CDH18: variants seen among roughly 807,000 people sequenced by gnomAD.
CDH18 encodes cadherin 18.
A neutral mutation model predicts 67.9 loss-of-function variants in CDH18; 31 were observed. The ratio of observed to expected loss-of-function variants is 0.46; its 90% CI spans 0.34 to 0.62. The LOEUF (loss-of-function observed/expected upper bound fraction) is 0.62. Ranked by LOEUF, CDH18 falls within the 20% of genes least tolerant of loss-of-function variation. CDH18 has a pLI of 0.01. For synonymous variants in CDH18, 362 were observed against 347.2 expected (o/e 1.04, Z -0.48); for missense variants, 890 against 975.5 (o/e 0.91, Z 1.17).
At chr5:19,602,662 C>T (rs907897285) in intron 6 of CDH18, among the ~76,000 whole-genome samples, 1 of 151,928 alleles carries the variant, frequency 6.6e-6, no homozygotes, top group Non-Finnish European at 1.5e-5. Flanking sequence ...AGTATGGAGG[C>T]CTCTAAAAAA....
intron 1 of CDH18, among the ~76,000 whole-genome samples, chr5:20,364,556 G>T (rs946067368): frequency 6.6e-6 from 1 of 152,032 alleles, no homozygotes; most frequent in Non-Finnish European, 1.5e-5. Context: ...TAAATTAAAT[G>T]CCTGAATTCA....
At chr5:19,734,636 A>T (rs1380527471) in intron 4 of CDH18, among the ~76,000 whole-genome samples, 3 of 152,152 alleles carry the variant, frequency 2.0e-5, no homozygotes, top group African/African-American at 7.2e-5. Flanking sequence ...ATTTACAAGG[A>T]CTTTCTTGGA....
At chr5:20,054,344 C>T (rs1270503441) in intron 2 of CDH18, among the ~76,000 whole-genome samples, 3 of 152,130 alleles carry the variant, frequency 2.0e-5, no homozygotes, top group Non-Finnish European at 4.4e-5. Context: ...GAATGACATT[C>T]ATGTGCCATT....
At chr5:19,606,547 A>G (rs1748075661) in intron 6 of CDH18, among the ~76,000 whole-genome samples, 1 of 152,038 alleles carries the variant, frequency 6.6e-6, no homozygotes, top group Non-Finnish European at 1.5e-5. Context: ...TATATTTAAT[A>G]GATGGGTTTA....
At chr5:20,218,377 T>G (rs1286696199) in intron 2 of CDH18, among the ~76,000 whole-genome samples, 1 of 151,978 alleles carries the variant, frequency 6.6e-6, no homozygotes, top group East Asian at 1.9e-4. Flanking sequence ...TTGGAAACTA[T>G]GCAAATACAT....
intron 2 of CDH18, among the ~76,000 whole-genome samples, chr5:20,010,862 C>A (rs539196920): frequency 6.6e-6 from 1 of 152,244 alleles, no homozygotes; most frequent in African/African-American, 2.4e-5. Context: ...CTAAGACTCT[C>A]ACGTGTATAC....
In CDH18 at chr5:20,571,184, C is replaced by CCATTAAATA. The variant is rs1758799935; in HGVS notation, c.-580+4277_-580+4278insTATTTAATG. Among the ~76,000 whole-genome samples, 3 of 152,252 alleles carry CCATTAAATA rather than the reference C, an allele frequency of 2.0e-5. No homozygotes were observed. In the South Asian group the frequency reaches 6.2e-4, roughly 32 times the overall value. On this transcript the variant is annotated intron_variant, in intron 1 of 14. Coordinates refer to the CDH18 transcript ENST00000507958. Reference sequence around the variant, plus strand: ...ATATTACATGACAGTGACACCTCTACGTCTTTACCATTAAATAGAAAACAT... The same window carrying CCATTAAATA: ...ATATTACATGACAGTGACACCTCTACCATTAAATAGTCTTTACCATTAAATAGAAAACAT...
At chr5:20,253,645 G>A (rs984958481) in intron 2 of CDH18, among the ~76,000 whole-genome samples, 8 of 152,132 alleles carry the variant, frequency 5.3e-5, no homozygotes, top group Non-Finnish European at 1.2e-4. Context: ...ACCAAGGAAA[G>A]ACTCTCAGAG....
At chr5:20,215,157 G>A (rs145416410) in intron 2 of CDH18, among the ~76,000 whole-genome samples, 11 of 151,922 alleles carry the variant, frequency 7.2e-5, no homozygotes, top group Non-Finnish European at 1.2e-4. Context: ...ATACCAGTCA[G>A]AATGGCTATT....
chr5:19,616,553 T>C (rs1749870376), intron 5 of CDH18, among the ~76,000 whole-genome samples: 1 of 152,194 alleles, frequency 6.6e-6, no homozygotes, highest in Non-Finnish European at 1.5e-5. Flanking sequence ...TTCTAACTTT[T>C]AGAATATTGT....
chr5:19,592,869 T>G (rs558827282), intron 6 of CDH18, among the ~76,000 whole-genome samples: 14 of 152,154 alleles, frequency 9.2e-5, no homozygotes, highest in Admixed American at 4.6e-4. Context: ...ATTCTTTGAT[T>G]GTATGAATTT....
chr5:19,892,241 G>A (rs1788850888), intron 2 of CDH18, among the ~76,000 whole-genome samples: 1 of 143,520 alleles, frequency 7.0e-6, no homozygotes, highest in Non-Finnish European at 1.5e-5. Context: ...GGTTAATAAA[G>A]GACAAGTATA....
At position 20,179,832 on chromosome 5, in the gene CDH18, C is replaced by A. The variant is rs137984390; in HGVS notation, c.-518+75612G>T. On this transcript the variant is annotated intron_variant, in intron 2 of 14. Transcript: ENST00000507958. ...AAAGGTGAAGACAGACAGGCAGGGT[C>A]TCCATTTCTCTTTGATTGAGCACCA... Among the ~76,000 whole-genome samples, 870 of 152,174 alleles carry A rather than the reference C, an allele frequency of 5.7e-3. 12 individuals carry two copies. The highest frequency in any genetic ancestry group is 0.02 in the African/African-American group (812 of 41,548).
intron 4 of CDH18, among the ~76,000 whole-genome samples, chr5:19,723,161 TG>T (rs1205072454): frequency 6.6e-6 from 1 of 151,946 alleles, no homozygotes; most frequent in African/African-American, 2.4e-5. Flanking sequence ...CCCAGCTACT[TG>T]GGAGGCTGAG....
At chr5:19,821,219 A>T (rs1386749036) in intron 3 of CDH18, among the ~76,000 whole-genome samples, 1 of 152,120 alleles carries the variant, frequency 6.6e-6, no homozygotes, top group Non-Finnish European at 1.5e-5. Flanking sequence ...ATGATCCTAG[A>T]GTGCAACAAT....
At chr5:20,067,272 T>C (rs73762488) in intron 2 of CDH18, among the ~76,000 whole-genome samples, 4,326 of 151,582 alleles carry the variant, frequency 0.029, 112 homozygotes, top group African/African-American at 0.062. Context: ...GACCAGTTTT[T>C]TAGTTCATTA....
intron 2 of CDH18, among the ~76,000 whole-genome samples, chr5:19,919,821 G>A (rs1234974435): frequency 6.6e-6 from 1 of 152,084 alleles, no homozygotes; most frequent in Non-Finnish European, 1.5e-5. Context: ...ATATAGTGTG[G>A]ACATACAGTT....
At chr5:20,307,911 T>G (rs188017537) in intron 1 of CDH18, among the ~76,000 whole-genome samples, 1 of 152,254 alleles carries the variant, frequency 6.6e-6, no homozygotes, top group Admixed American at 6.5e-5. Context: ...CTTAAACATT[T>G]ATATTTTCAC....
chr5:19,626,416 T>C (rs553033179), intron 5 of CDH18, among the ~76,000 whole-genome samples: 1 of 152,288 alleles, frequency 6.6e-6, no homozygotes, highest in South Asian at 2.1e-4. Flanking sequence ...GTGGGTTCCC[T>C]AAGGATAGAG....
Sources: gnomAD v4.1 joint callset for allele counts (sites outside exome capture counted in the v4.1 genomes callset) on GRCh38, gnomAD v4.1.1 for gene constraint, MANE v1.5 for transcripts, NCBI Gene and HGNC (gene_info 2026-07-23, HGNC 2026-07-21) for gene names.